The following NOL10 variants were observed in gnomAD, a reference collection of about 807,000 sequenced individuals.
The protein encoded by NOL10 is H_NH0074G24.1.
Under a neutral mutation model 103.5 loss-of-function variants are expected in NOL10, and 58 were observed. That is an observed-to-expected ratio of 0.56 (90% CI 0.45 to 0.70). NOL10 has a LOEUF of 0.70. NOL10 is among the 30% of genes least tolerant of loss of function. The pLI is 0.00. For synonymous variants in NOL10, 287 were observed against 282.5 expected (o/e 1.02, Z -0.16); for missense variants, 763 against 807.3 (o/e 0.95, Z 0.67).
intron 13 of NOL10, among the ~76,000 whole-genome samples, chr2:10,627,697 AAC>A (rs1438925899): frequency 1.5e-4 from 22 of 146,166 alleles, no homozygotes; most frequent in African/African-American, 4.6e-4. Context: ...CAAACAAACA[AAC>A]AAAAAAAAAC....
intron 19 of NOL10, among the ~76,000 whole-genome samples, chr2:10,583,650 T>TA (rs1294838786): frequency 6.6e-5 from 10 of 152,234 alleles, no homozygotes; most frequent in African/African-American, 2.4e-4. Context: ...CCTTCTCCTT[T>TA]GATATTATTA....
chr2:10,582,104 T>C (rs971016685), intron 19 of NOL10, among the ~76,000 whole-genome samples: 9 of 152,238 alleles, frequency 5.9e-5, no homozygotes, highest in African/African-American at 2.2e-4. Context: ...TGGAATTTAA[T>C]TACTTTCCAG....
chr2:10,619,811 G>A (rs897307337), intron 13 of NOL10, among the ~76,000 whole-genome samples: 4 of 152,056 alleles, frequency 2.6e-5, no homozygotes, highest in Non-Finnish European at 4.4e-5. Context: ...CTTGCACCTC[G>A]GCTACAAACA....
At chr2:10,670,185 C>T (rs1680837455) in intron 6 of NOL10, among the ~76,000 whole-genome samples, 3 of 152,070 alleles carry the variant, frequency 2.0e-5, no homozygotes, top group Admixed American at 6.6e-5. Context: ...CTAACAGAAG[C>T]CAAAGATATC....
intron 4 of NOL10, 92 bp downstream of exon 4, chr2:10,675,702 A>G (rs1681262084): frequency 2.8e-6 from 2 of 724,130 alleles, no homozygotes; most frequent in Non-Finnish European, 4.6e-6. Context: ...CAGCAATAAA[A>G]AACTAATTAC....
chr2:10,583,107 A>G (rs1167557325), intron 19 of NOL10, among the ~76,000 whole-genome samples: 1 of 152,162 alleles, frequency 6.6e-6, no homozygotes, highest in Non-Finnish European at 1.5e-5. Context: ...GACACGCTCC[A>G]GGTTTGGCCC....
chr2:10,660,314 T>G (rs1423770475), intron 9 of NOL10, among the ~76,000 whole-genome samples: 3 of 152,176 alleles, frequency 2.0e-5, no homozygotes, highest in Non-Finnish European at 4.4e-5. Context: ...CCTTTGTCAT[T>G]TTCTTCACAT....
chr2:10,657,178 G>A (rs1051937952), intron 11 of NOL10, among the ~76,000 whole-genome samples: 2 of 152,072 alleles, frequency 1.3e-5, no homozygotes, highest in African/African-American at 4.8e-5. Context: ...AATTAGCTGG[G>A]CATGGTGACA....
Position 10,654,566 on chromosome 2 carries a change from A to G in NOL10, c.907-19T>C. On this transcript the variant is annotated intron_variant, in intron 11 of 20. Coordinates refer to ENST00000381685, the MANE Select transcript of NOL10 (RefSeq NM_024894.4). ...TTTTTCCCTAAAAATAGCAAGCAAA[A>G]ACGAAGTATTAAAAGTTAAAGAACA... 3 of 1,552,736 alleles carry G rather than the reference A, an allele frequency of 1.9e-6. No individual in the cohort carries two copies. Among genetic ancestry groups the G allele is most frequent in the African/African-American group, 2.7e-5 (2 of 72,860 alleles).
At chr2:10,663,821 G>A (rs1680379995) in intron 8 of NOL10, among the ~76,000 whole-genome samples, 1 of 150,782 alleles carries the variant, frequency 6.6e-6, no homozygotes, top group African/African-American at 2.4e-5. Context: ...ATGGTGGCGG[G>A]CGCTTTTAGT....
chr2:10,664,124 A>C (rs1003414190), intron 8 of NOL10, among the ~76,000 whole-genome samples: 19 of 151,584 alleles, frequency 1.3e-4, no homozygotes, highest in Non-Finnish European at 2.7e-4. Flanking sequence ...GTCTAAAAAA[A>C]AAAAAAACCC....
chr2:10,608,816 A>AC (rs1167759266), intron 13 of NOL10, among the ~76,000 whole-genome samples: 4 of 152,204 alleles, frequency 2.6e-5, no homozygotes, highest in African/African-American at 9.7e-5. Context: ...TCACCTCAAC[A>AC]CAGCTATGGT....
At chr2:10,679,400 C>T (rs927764931) in intron 3 of NOL10, among the ~76,000 whole-genome samples, 4 of 151,382 alleles carry the variant, frequency 2.6e-5, no homozygotes, top group Non-Finnish European at 4.4e-5. Flanking sequence ...GGCATAGTGG[C>T]GAGCACCTAT....
chr2:10,641,009 C>T (rs1323168333), intron 13 of NOL10, among the ~76,000 whole-genome samples: 1 of 151,138 alleles, frequency 6.6e-6, no homozygotes, highest in Non-Finnish European at 1.5e-5. Flanking sequence ...TATGGTGAAA[C>T]CCCATCTCTA....
Position 10,577,680 on chromosome 2 carries a change from C to T in NOL10, c.1903G>A (p.Asp635Asn), listed in dbSNP as rs2287059. 425,086 of 1,609,728 alleles carry T rather than the reference C, an allele frequency of 0.26. 61,317 individuals are homozygous for T. The highest frequency in any genetic ancestry group is 0.3 in the Non-Finnish European group (354,735 of 1,176,936). The change falls in exon 20 of 21, where the codon GAC becomes AAC. Residue 635 changes from aspartate (D) to asparagine (N), a missense_variant. By Grantham distance (23) the Asp-to-Asn change is conservative. Transcript: ENST00000381685. The stretch of plus-strand genomic sequence containing the variant: ...AATTGTTTGCTGCCAACGGTGGTGT[C>T]GGATACACTCAATGTCCCATTTTTT... The part of the protein sequence containing the change: ...EAKNGTLSVS[D>N]TTVGSKQLTF...
At chr2:10,666,424 G>A (rs1680569048) in intron 8 of NOL10, among the ~76,000 whole-genome samples, 1 of 151,778 alleles carries the variant, frequency 6.6e-6, no homozygotes, top group African/African-American at 2.4e-5. Context: ...TTCATTCACT[G>A]CAACCTCCGC....
intron 3 of NOL10, 91 bp downstream of exon 3, chr2:10,681,880 A>G: frequency 2.0e-6 from 1 of 488,748 alleles, no homozygotes; most frequent in Non-Finnish European, 3.4e-6. Flanking sequence ...TTTTTATAAT[A>G]AAATATTAGG....
At chr2:10,628,381 A>G (rs144480880) in intron 13 of NOL10, among the ~76,000 whole-genome samples, 16 of 152,218 alleles carry the variant, frequency 1.1e-4, no homozygotes, top group Non-Finnish European at 1.5e-4. Context: ...ATTCTACTTA[A>G]CCTTTATTCC....
intron 19 of NOL10, among the ~76,000 whole-genome samples, chr2:10,582,854 G>A (rs1055108120): frequency 6.6e-6 from 1 of 152,072 alleles, no homozygotes; most frequent in Non-Finnish European, 1.5e-5. Context: ...TCTATAAACC[G>A]CTTTCCATCA....
Sources: gnomAD v4.1 joint callset for allele counts (sites outside exome capture counted in the v4.1 genomes callset) on GRCh38, gnomAD v4.1.1 for gene constraint, MANE v1.5 for transcripts, NCBI Gene and HGNC (gene_info 2026-07-23, HGNC 2026-07-21) for gene names.